MYOM1: variants seen among roughly 807,000 people sequenced by gnomAD.
The protein encoded by MYOM1 is myomesin-1.
MYOM1 carries 164 observed loss-of-function variants against 205.3 expected under a neutral mutation model. That is an observed-to-expected ratio of 0.80 (90% CI 0.70 to 0.91). MYOM1 has a LOEUF of 0.91. Ranked by LOEUF, MYOM1 falls within the 40% of genes least tolerant of loss-of-function variation. The pLI, the probability that MYOM1 is intolerant of heterozygous loss-of-function variation, is 0.00. For missense variants in MYOM1, 2,011 were observed against 2,127.3 expected (o/e 0.95, Z 1.08); for synonymous variants, 772 against 789.4 (o/e 0.98, Z 0.37).
chr18:3,234,884 C>G, the MYOM1 span, among the ~76,000 whole-genome samples: 1 of 151,838 alleles, frequency 6.6e-6, no homozygotes, highest in Non-Finnish European at 1.5e-5. Context: ...AATTTGGTCT[C>G]TCTTTCAGTT....
At chr18:3,154,615 A>G (rs570596397) in intron 11 of MYOM1, among the ~76,000 whole-genome samples, 40 of 70,162 alleles carry the variant, frequency 5.7e-4, no homozygotes, top group African/African-American at 2.9e-3. Context: ...TACCTACTCA[A>G]TACACACACA....
At position 3,131,451 on chromosome 18, in the gene MYOM1, C is replaced by G. The variant is rs761503272; in HGVS notation, c.2430G>C (p.Arg810=). Residue 810 remains arginine (R), a synonymous_variant, in exon 17 of 38, where the codon CGG becomes CGC. Transcript: ENST00000356443. The part of the protein sequence containing the change: ...GLVTGQSYIF[R]VRAVNAAGLS... ...GTCCAGCTGCATTGACTGCTCTGACCCGGAAAATATAACTCTGACCAGTCA... is the reference window on the plus strand; with the variant it reads ...GTCCAGCTGCATTGACTGCTCTGACGCGGAAAATATAACTCTGACCAGTCA... The G allele has an allele frequency of 6.2e-7, 1 of 1,613,614 alleles. No homozygotes were observed. Among genetic ancestry groups the G allele is most frequent in the Admixed American group, 1.7e-5 (1 of 59,976 alleles).
chr18:3,085,319 G>A (rs2079140832), intron 30 of MYOM1, among the ~76,000 whole-genome samples, 187 bp from the exon 31 acceptor site: 1 of 121,132 alleles, frequency 8.3e-6, no homozygotes, highest in African/African-American at 3.2e-5. Flanking sequence ...GCAGATGTGT[G>A]ATTATAGCTC....
chr18:3,154,616 T>TACAC (rs10625884), intron 11 of MYOM1, among the ~76,000 whole-genome samples: 291 of 145,944 alleles, frequency 2.0e-3, no homozygotes, highest in South Asian at 5.6e-3. Context: ...ACCTACTCAA[T>TACAC]ACACACACAC....
intron 5 of MYOM1, among the ~76,000 whole-genome samples, chr18:3,183,738 G>A (rs1433056029): frequency 6.6e-6 from 1 of 152,082 alleles, no homozygotes; most frequent in East Asian, 1.9e-4. Flanking sequence ...GCTGCAATTG[G>A]ATACCAAAAA....
chr18:3,144,888 C>T (rs1357644758), intron 13 of MYOM1, among the ~76,000 whole-genome samples: 1 of 152,218 alleles, frequency 6.6e-6, no homozygotes, highest in Admixed American at 6.5e-5. Flanking sequence ...TTCATCACTA[C>T]TCTCTCAATA....
At chr18:3,137,676 G>C (rs1411103083) in intron 14 of MYOM1, among the ~76,000 whole-genome samples, 1 of 152,086 alleles carries the variant, frequency 6.6e-6, no homozygotes, top group Non-Finnish European at 1.5e-5. Flanking sequence ...GGTTGGGGGT[G>C]GTGGTGAAGA....
the MYOM1 span, among the ~76,000 whole-genome samples, chr18:3,234,688 C>T: frequency 2.6e-5 from 4 of 152,120 alleles, no homozygotes; most frequent in South Asian, 4.1e-4. Context: ...ACGGTTGCTA[C>T]AGGAAAGCAG....
At chr18:3,218,996 A>G (rs1393077109) in intron 1 of MYOM1, among the ~76,000 whole-genome samples, 1 of 152,216 alleles carries the variant, frequency 6.6e-6, no homozygotes, top group African/African-American at 2.4e-5. Context: ...GAACAAAGGT[A>G]CAACCACCTC....
At chr18:3,069,945 C>T (rs1366131170) in intron 37 of MYOM1, among the ~76,000 whole-genome samples, 1 of 152,188 alleles carries the variant, frequency 6.6e-6, no homozygotes, top group East Asian at 1.9e-4. Flanking sequence ...AGCTTAAAAT[C>T]AACCGTGATC....
intron 14 of MYOM1, among the ~76,000 whole-genome samples, chr18:3,141,251 T>C (rs2080044829): frequency 6.6e-6 from 1 of 152,248 alleles, no homozygotes; most frequent in Admixed American, 6.5e-5. Context: ...TTATCAGAAC[T>C]ACCCTCAAAT....
intron 2 of MYOM1, 46 bp downstream of exon 2, chr18:3,214,888 C>A (rs762413379): frequency 6.5e-7 from 1 of 1,527,756 alleles, no homozygotes; most frequent in South Asian, 1.3e-5. Flanking sequence ...TCAGAGCACA[C>A]GCCTCTTCCT....
At chr18:3,158,666 T>G (rs2080336840) in intron 10 of MYOM1, among the ~76,000 whole-genome samples, 1 of 152,118 alleles carries the variant, frequency 6.6e-6, no homozygotes, top group Non-Finnish European at 1.5e-5. Flanking sequence ...CAGGCTGGAG[T>G]GCAGTGAGGC....
chr18:3,104,672 A>C (rs1424916369), intron 22 of MYOM1, among the ~76,000 whole-genome samples: 1 of 151,622 alleles, frequency 6.6e-6, no homozygotes, highest in Non-Finnish European at 1.5e-5. Context: ...AAGGAAAATA[A>C]GCCTCTAATA....
At chr18:3,173,458 C>A (rs1383391375) in intron 8 of MYOM1, among the ~76,000 whole-genome samples, 1 of 152,060 alleles carries the variant, frequency 6.6e-6, no homozygotes, top group African/African-American at 2.4e-5. Flanking sequence ...GGACACCTAA[C>A]CCTGACTGGG....
Position 3,067,046 on chromosome 18 carries a change from A to G in MYOM1, c.*216T>C, listed in dbSNP as rs1003002001. Reference sequence around the variant, plus strand: ...AAAACTGTTTCCTAATCTTCATGCTATGAATGGTATTTTCTTAACACATAA... The same window carrying G: ...AAAACTGTTTCCTAATCTTCATGCTGTGAATGGTATTTTCTTAACACATAA... On this transcript the variant is annotated 3_prime_UTR_variant, in exon 38 of 38. Transcript: ENST00000356443. 6 of 569,168 alleles carry G rather than the reference A, an allele frequency of 1.1e-5. No individual in the cohort carries two copies. Among genetic ancestry groups the G allele is most frequent in the African/African-American group, 9.3e-5 (5 of 53,478 alleles). The allele number at this position is 569,168 out of a possible 1,614,324, so 35.3% of individuals were successfully genotyped here. A position where few individuals can be genotyped will look rare whatever the true frequency, so the allele number is the denominator to read the frequency against.
At chr18:3,120,035 G>T in intron 19 of MYOM1, 40 bp from the exon 20 acceptor site, 2 of 1,522,066 alleles carry the variant, frequency 1.3e-6, no homozygotes, top group African/African-American at 1.4e-5. Context: ...AATGTTCCAG[G>T]TTTGTTTTTT....
chr18:3,099,218 A>G (rs1308498962), intron 25 of MYOM1, among the ~76,000 whole-genome samples: 1 of 152,214 alleles, frequency 6.6e-6, no homozygotes, highest in Non-Finnish European at 1.5e-5. Flanking sequence ...GAAGGTCCGC[A>G]ATTCATTCTA....
intron 32 of MYOM1, 26 bp from the exon 33 acceptor site, chr18:3,083,920 A>G (rs2079119723): frequency 1.3e-6 from 2 of 1,574,022 alleles, no homozygotes; most frequent in Non-Finnish European, 1.7e-6. Flanking sequence ...AGCATATTTC[A>G]TACATCTGCA....
Sources: gnomAD v4.1 joint callset for allele counts (sites outside exome capture counted in the v4.1 genomes callset) on GRCh38, gnomAD v4.1.1 for gene constraint, MANE v1.5 for transcripts, NCBI Gene and HGNC (gene_info 2026-07-23, HGNC 2026-07-21) for gene names.